Variants in IRAG1 observed in about 807,000 individuals in gnomAD.
IRAG1 encodes inositol 1,4,5-triphosphate receptor associated 1.
IRAG1 carries 62 observed loss-of-function variants against 106.2 expected under a neutral mutation model. The observed-to-expected ratio is 0.58, with a 90% CI of 0.48 to 0.72. IRAG1 has a LOEUF of 0.72. IRAG1 is among the 30% of genes least tolerant of loss of function. IRAG1 has a pLI of 0.00. For missense variants in IRAG1, 1,064 were observed against 1,140.7 expected (o/e 0.93, Z 0.97); for synonymous variants, 462 against 443.9 (o/e 1.04, Z -0.51).
intron 1 of IRAG1, among the ~76,000 whole-genome samples, chr11:10,670,411 C>G (rs1860126556): frequency 6.6e-6 from 1 of 152,184 alleles, no homozygotes; most frequent in Non-Finnish European, 1.5e-5. Context: ...CATGCAAAAC[C>G]ATGCACAAGG....
chr11:10,604,324 C>G (rs926819186), intron 13 of IRAG1, 81 bp downstream of exon 13: 11 of 1,558,832 alleles, frequency 7.1e-6, no homozygotes, highest in African/African-American at 6.8e-5. Flanking sequence ...TACTTGGTAC[C>G]TGAGAGAAGC....
In IRAG1 at chr11:10,650,283, T is replaced by C. The variant is rs1858362364; in HGVS notation, c.225+1742A>G. Among the ~76,000 whole-genome samples the C allele has an allele frequency of 2.0e-5, 3 of 152,208 alleles. 1 individual carries two copies. In the South Asian group the frequency reaches 6.2e-4, roughly 32 times the overall value. On this transcript the variant is annotated intron_variant, in intron 2 of 20. Coordinates refer to ENST00000423302, the MANE Select transcript of IRAG1 (RefSeq NM_130385.4). Reference sequence around the variant, plus strand: ...TGTCTTGTTTTATGTTTCCTGAGGATATACTCTGAAAGAACTTTTAATTAT... The same window carrying C: ...TGTCTTGTTTTATGTTTCCTGAGGACATACTCTGAAAGAACTTTTAATTAT...
chr11:10,601,500 C>T (rs1483301636), intron 14 of IRAG1, among the ~76,000 whole-genome samples: 1 of 152,150 alleles, frequency 6.6e-6, no homozygotes, highest in Admixed American at 6.5e-5. Context: ...TAAGAGTCCT[C>T]TGGAGAGTGA....
At chr11:10,655,942 A>G (rs1241462411) in intron 1 of IRAG1, among the ~76,000 whole-genome samples, 1 of 152,134 alleles carries the variant, frequency 6.6e-6, no homozygotes, top group East Asian at 1.9e-4. Context: ...GGGGAGCCCC[A>G]GCAGCCCTGC....
chr11:10,629,454 G>A (rs769696736), intron 5 of IRAG1, 84 bp downstream of exon 5: 17 of 1,454,040 alleles, frequency 1.2e-5, no homozygotes, highest in African/African-American at 1.4e-5. Context: ...CGGAGGTGAG[G>A]CGCCCACTGC....
intron 10 of IRAG1, among the ~76,000 whole-genome samples, 180 bp from the exon 11 acceptor site, chr11:10,610,031 A>G (rs2134400340): frequency 6.6e-6 from 1 of 152,374 alleles, no homozygotes; most frequent in South Asian, 2.1e-4. Flanking sequence ...TCACATGTAG[A>G]TAAGCCAAGG....
intron 1 of IRAG1, among the ~76,000 whole-genome samples, chr11:10,685,416 CAAA>C (rs375363531): frequency 5.1e-5 from 7 of 136,576 alleles, no homozygotes; most frequent in Admixed American, 7.2e-5. Context: ...ATTCCGTTCC[CAAA>C]AAAAAAAAAA....
At position 10,594,240 on chromosome 11, in the gene IRAG1, G is replaced by T. The variant is rs1306565088; in HGVS notation, c.2018-45C>A. On this transcript the variant is annotated intron_variant, in intron 15 of 20. Transcript: ENST00000423302. ...AGAAGAGAACACAGGTAAGTTTCAG[G>T]CTAGGCACCAGCAGGAAACAGAAAC... The T allele has an allele frequency of 3.2e-6, 5 of 1,568,886 alleles. No homozygotes were observed. The South Asian group carries it at 5.8e-5, about 18-fold the overall frequency.
Position 10,663,520 on chromosome 11 carries a change from G to C in IRAG1, c.68-11338C>G, listed in dbSNP as rs562979103. On this transcript the variant is annotated intron_variant, in intron 1 of 20. Coordinates refer to ENST00000423302, the MANE Select transcript of IRAG1 (RefSeq NM_130385.4). Reference sequence around the variant, plus strand: ...TTCCTATGTGTTAGGTACTGTGCTGGGCACTGGGGCTCTGGGGTGTGTCCT... The same window carrying C: ...TTCCTATGTGTTAGGTACTGTGCTGCGCACTGGGGCTCTGGGGTGTGTCCT... Among the ~76,000 whole-genome samples the C allele has an allele frequency of 3.3e-5, 5 of 152,268 alleles. No homozygotes were observed. The South Asian group carries it at 1.0e-3, about 32-fold the overall frequency.
chr11:10,640,778 T>C (rs1469723224), intron 2 of IRAG1, among the ~76,000 whole-genome samples: 1 of 152,200 alleles, frequency 6.6e-6, no homozygotes, highest in Admixed American at 6.5e-5. Flanking sequence ...CTTAGGGGCT[T>C]CAGGGCCTCA....
intron 14 of IRAG1, 136 bp from the exon 15 acceptor site, chr11:10,601,195 G>T (rs1270088162): frequency 4.0e-6 from 5 of 1,244,988 alleles, no homozygotes; most frequent in Non-Finnish European, 4.5e-6. Flanking sequence ...TGAAGAGTTT[G>T]CTGTCTGCCA....
chr11:10,598,081 T>C (rs1853533577), intron 15 of IRAG1, among the ~76,000 whole-genome samples: 1 of 152,212 alleles, frequency 6.6e-6, no homozygotes, highest in Non-Finnish European at 1.5e-5. Flanking sequence ...TTTTTCCTTA[T>C]CCAAATTCCA....
intron 18 of IRAG1, among the ~76,000 whole-genome samples, chr11:10,586,913 C>T (rs1319612019): frequency 2.6e-5 from 4 of 152,216 alleles, no homozygotes; most frequent in African/African-American, 9.6e-5. Context: ...ATGACTTATC[C>T]AGTCCCTACT....
Position 10,674,721 on chromosome 11 carries a change from G to A in IRAG1, c.67+18815C>T, listed in dbSNP as rs375845286. Among the ~76,000 whole-genome samples, 3 of 152,308 alleles carry A rather than the reference G, an allele frequency of 2.0e-5. No homozygotes were observed. The East Asian group carries it at 5.8e-4, about 29-fold the overall frequency. On this transcript the variant is annotated intron_variant, in intron 1 of 20. Coordinates refer to ENST00000423302, the MANE Select transcript of IRAG1 (RefSeq NM_130385.4). ...CTGCTGCTGACAGGCACATGAAAGG[G>A]AATTGAAGCTCAACAGAAAAGTGAC...
intron 1 of IRAG1, among the ~76,000 whole-genome samples, chr11:10,656,459 A>G (rs1858934275): frequency 6.6e-6 from 1 of 152,234 alleles, no homozygotes; most frequent in Non-Finnish European, 1.5e-5. Flanking sequence ...CTGCTGGGAT[A>G]ACTATCCAGT....
chr11:10,576,677 G>A lies in IRAG1; in HGVS notation c.2496-102C>T, dbSNP rs1054721241. The stretch of plus-strand genomic sequence containing the variant: ...GCGGATAGCTTCCATGCTGTCTTGA[G>A]CAATAGTTCTCAAACTTAGCTGTGC... On this transcript the variant is annotated intron_variant, in intron 20 of 20. Coordinates refer to ENST00000423302, the MANE Select transcript of IRAG1 (RefSeq NM_130385.4). 2.5e-5 allele frequency: 37 copies of A among 1,455,022 alleles called. No individual in the cohort carries two copies. The African/African-American group carries it at 4.5e-4, about 18-fold the overall frequency. 90.1% of individuals were successfully genotyped at this position (1,455,022 alleles called of 1,614,324 possible). A position where few individuals can be genotyped will look rare whatever the true frequency, so the allele number is the denominator to read the frequency against.
At chr11:10,594,090 T>G in intron 16 of IRAG1, 56 bp downstream of exon 16, 1 of 1,487,718 alleles carries the variant, frequency 6.7e-7, no homozygotes, top group Non-Finnish European at 9.2e-7. Flanking sequence ...TGGGTGACCA[T>G]GGAAACTTCT....
intron 18 of IRAG1, among the ~76,000 whole-genome samples, chr11:10,587,174 G>A (rs1227435849): frequency 6.6e-6 from 1 of 152,152 alleles, no homozygotes; most frequent in Non-Finnish European, 1.5e-5. Context: ...CGTGCACCAG[G>A]TCAAAAATGT....
rs1856261105 is a variant in IRAG1 at position 10,626,597 on chromosome 11, G to C, written c.751-14C>G. ...TTTGGGGACGTTCTGAAAAAGACAA[G>C]GTAGAGCTGGAACCCTCGGGGGCAG... is the stretch of plus-strand genomic sequence containing the variant. On this transcript the variant is annotated splice_polypyrimidine_tract_variant and intron_variant, in intron 8 of 20. Coordinates refer to ENST00000423302, the MANE Select transcript of IRAG1 (RefSeq NM_130385.4). 4 of 1,582,270 alleles carry C rather than the reference G, an allele frequency of 2.5e-6. No individual in the cohort carries two copies. The East Asian group carries it at 6.7e-5, about 27-fold the overall frequency.
Sources: gnomAD v4.1 joint callset for allele counts (sites outside exome capture counted in the v4.1 genomes callset) on GRCh38, gnomAD v4.1.1 for gene constraint, MANE v1.5 for transcripts, NCBI Gene and HGNC (gene_info 2026-07-23, HGNC 2026-07-21) for gene names.